GRIA4: variants seen among roughly 807,000 people sequenced by gnomAD.
GRIA4 encodes glutamate receptor 4.
A neutral mutation model predicts 104.0 loss-of-function variants in GRIA4; 34 were observed. The observed-to-expected ratio is 0.33, with a 90% CI of 0.25 to 0.44. The LOEUF is 0.44. Ranked by LOEUF, GRIA4 falls within the 20% of genes least tolerant of loss-of-function variation. GRIA4 has a pLI of 1.00. For missense variants in GRIA4, 750 were observed against 1,096.5 expected, an observed-to-expected ratio of 0.68 and a Z score of 4.46; for synonymous variants, 386 against 381.9, an observed-to-expected ratio of 1.01 and a Z score of -0.13.
intron 3 of GRIA4, among the ~76,000 whole-genome samples, chr11:105,681,668 T>G (rs1464081507): frequency 6.6e-6 from 1 of 152,190 alleles, no homozygotes; most frequent in Admixed American, 6.5e-5. Context: ...AAAAACTTGT[T>G]GAATGCCTCA....
In GRIA4 at chr11:105,979,943, C is replaced by T; in HGVS notation, c.*204C>T. 1 of 441,822 alleles carries T rather than the reference C, an allele frequency of 2.3e-6. No homozygotes were observed. The highest frequency in any genetic ancestry group is 3.4e-5 in the East Asian group (1 of 29,248). The allele number at this position is 441,822 out of a possible 1,614,324, so 27.4% of individuals were successfully genotyped here. On this transcript the variant is annotated 3_prime_UTR_variant, in exon 17 of 17. Coordinates refer to ENST00000282499, the MANE Select transcript of GRIA4 (RefSeq NM_000829.4). ...GGAAACCCAAACTCAGATTTTATAT[C>T]AGGAAAACTCACAATTGAGGTTTTT...
intron 14 of GRIA4, among the ~76,000 whole-genome samples, chr11:105,944,275 T>A (rs1301087855): frequency 6.6e-6 from 1 of 152,150 alleles, no homozygotes; most frequent in East Asian, 1.9e-4. Context: ...CCAAAGTACA[T>A]CCATTATCTC....
intron 5 of GRIA4, among the ~76,000 whole-genome samples, chr11:105,875,535 G>C (rs780084154): frequency 3.3e-5 from 5 of 152,060 alleles, no homozygotes; most frequent in Non-Finnish European, 7.4e-5. Context: ...CTGTGAATCT[G>C]TCTGGTCCTG....
At chr11:105,880,392 G>A (rs565715863) in intron 5 of GRIA4, among the ~76,000 whole-genome samples, 2 of 152,264 alleles carry the variant, frequency 1.3e-5, no homozygotes, top group African/African-American at 4.8e-5. Context: ...TCCATGGTGG[G>A]ATAAAGGGGT....
intron 3 of GRIA4, among the ~76,000 whole-genome samples, chr11:105,693,975 G>A (rs760523993): frequency 3.3e-5 from 5 of 152,100 alleles, no homozygotes; most frequent in Non-Finnish European, 5.9e-5. Flanking sequence ...CTACAGCACC[G>A]TAGGGACTTA....
chr11:105,749,168 C>A (rs1269237643), intron 3 of GRIA4, among the ~76,000 whole-genome samples: 1 of 152,058 alleles, frequency 6.6e-6, no homozygotes, highest in East Asian at 1.9e-4. Context: ...TCAAACATAC[C>A]AGGGTATTCC....
intron 3 of GRIA4, among the ~76,000 whole-genome samples, chr11:105,649,332 C>T (rs1942978): frequency 0.52 from 79,378 of 151,800 alleles, 20,963 homozygotes; most frequent in Admixed American, 0.61. Flanking sequence ...TTCAGCATGT[C>T]CATTTATAAG....
intron 3 of GRIA4, among the ~76,000 whole-genome samples, chr11:105,665,713 A>T (rs1414955819): frequency 6.6e-6 from 1 of 152,086 alleles, no homozygotes; most frequent in Admixed American, 6.6e-5. Context: ...CACTGGAATT[A>T]AAAAACTTTC....
In GRIA4 at chr11:105,746,916, G is replaced by A. The variant is rs564150255; in HGVS notation, c.248-6065G>A. Among the ~76,000 whole-genome samples the A allele has an allele frequency of 4.6e-5, 7 of 152,084 alleles. No homozygotes were observed. In the East Asian group the frequency reaches 9.7e-4, roughly 21 times the overall value. On this transcript the variant is annotated intron_variant, in intron 3 of 16. Transcript: ENST00000282499. Reference sequence around the variant, plus strand: ...CTGGAAATGAGATCACCATACAAACGAGGATTCGTAAAGGCTACAGCATCA... The same window carrying A: ...CTGGAAATGAGATCACCATACAAACAAGGATTCGTAAAGGCTACAGCATCA...
At chr11:105,976,096 G>C (rs374510872) in intron 16 of GRIA4, among the ~76,000 whole-genome samples, 12 of 152,028 alleles carry the variant, frequency 7.9e-5, no homozygotes, top group African/African-American at 2.9e-4. Context: ...TTTTCAAATT[G>C]AGAAAAACAA....
At chr11:105,866,549 GTGTA>G (rs59598618) in intron 5 of GRIA4, among the ~76,000 whole-genome samples, 2,012 of 78,158 alleles carry the variant, frequency 0.026, 45 homozygotes, top group African/African-American at 0.082. Flanking sequence ...GTGTGTGTGT[GTGTA>G]TATATATATA....
chr11:105,927,123 C>T (rs897707026), intron 13 of GRIA4, among the ~76,000 whole-genome samples, 184 bp downstream of exon 13: 1 of 152,026 alleles, frequency 6.6e-6, no homozygotes, highest in African/African-American at 2.4e-5. Context: ...AGGTAATTGA[C>T]TTATTCATAT....
chr11:105,624,984 G>C (rs1210058627), intron 3 of GRIA4, among the ~76,000 whole-genome samples: 1 of 152,040 alleles, frequency 6.6e-6, no homozygotes, highest in African/African-American at 2.4e-5. Flanking sequence ...TTTTTGGAAA[G>C]TAGCACAGAG....
chr11:105,870,088 A>G (rs1475286700), intron 5 of GRIA4, among the ~76,000 whole-genome samples: 2 of 151,904 alleles, frequency 1.3e-5, no homozygotes, highest in Non-Finnish European at 2.9e-5. Context: ...CAAAGTCTAG[A>G]CATAATTTGC....
chr11:105,611,983 G>T lies in GRIA4; in HGVS notation c.89-293G>T, dbSNP rs191198980. Among the ~76,000 whole-genome samples, 33 of 152,284 alleles carry T rather than the reference G, an allele frequency of 2.2e-4. No individual in the cohort carries two copies. In the East Asian group the frequency reaches 5.6e-3, roughly 26 times the overall value. The stretch of plus-strand genomic sequence containing the variant: ...AGAGAGCTGCCCTGAGGTGGCTGAT[G>T]TAGCAGTGTGCTGGGAATCAGGGGG... On this transcript the variant is annotated intron_variant, in intron 2 of 16. Transcript: ENST00000282499.
At chr11:105,962,836 C>A (rs1227295342) in intron 14 of GRIA4, among the ~76,000 whole-genome samples, 1 of 152,094 alleles carries the variant, frequency 6.6e-6, no homozygotes, top group Non-Finnish European at 1.5e-5. Flanking sequence ...CAATTCATTT[C>A]AACTGACTTT....
At chr11:105,895,022 A>G (rs1946598842) in intron 6 of GRIA4, among the ~76,000 whole-genome samples, 1 of 102,890 alleles carries the variant, frequency 9.7e-6, no homozygotes, top group African/African-American at 3.6e-5. Context: ...GATGGTCTCG[A>G]TCTCCTGACC....
intron 3 of GRIA4, among the ~76,000 whole-genome samples, chr11:105,725,351 A>G (rs1459805523): frequency 6.6e-6 from 1 of 152,178 alleles, no homozygotes; most frequent in Non-Finnish European, 1.5e-5. Flanking sequence ...TGAACATTGC[A>G]CAAATTCACA....
At chr11:105,692,181 C>T (rs936029407) in intron 3 of GRIA4, among the ~76,000 whole-genome samples, 2 of 151,466 alleles carry the variant, frequency 1.3e-5, no homozygotes, top group African/African-American at 4.9e-5. Context: ...ATAATAGTTC[C>T]CATTTATTAA....
Sources: allele counts gnomAD v4.1 joint callset (sites outside exome capture counted in the v4.1 genomes callset), GRCh38; gene constraint gnomAD v4.1.1; transcripts MANE v1.5; gene names NCBI Gene and HGNC (gene_info 2026-07-23, HGNC 2026-07-21).